The following HEATR4 variants were observed in gnomAD, a reference collection of about 807,000 sequenced individuals.
HEATR4 encodes HEAT repeat-containing protein 4.
Under a neutral mutation model 108.8 loss-of-function variants are expected in HEATR4, and 95 were observed. The observed-to-expected ratio is 0.87, with a 90% CI of 0.74 to 1.04. The LOEUF (loss-of-function observed/expected upper bound fraction) is 1.04. Ranked by LOEUF, HEATR4 falls within the 50% of genes least tolerant of loss-of-function variation. The probability of loss-of-function intolerance (pLI) is 0.00; values close to 1 mark genes in which losing one functional copy is unlikely to be tolerated. For missense variants in HEATR4, 1,152 were observed against 1,253.8 expected (o/e 0.92, Z 1.23); for synonymous variants, 443 against 459.4 (o/e 0.96, Z 0.46).
At chr14:73,480,356 G>A (rs188796592) in intron 17 of HEATR4, among the ~76,000 whole-genome samples, 1 of 152,034 alleles carries the variant, frequency 6.6e-6, no homozygotes, top group African/African-American at 2.4e-5. Flanking sequence ...CAGAAGAATC[G>A]CTTGAACCAG....
At chr14:73,520,528 C>G in intron 4 of HEATR4, 1 of 213,882 alleles carries the variant, frequency 4.7e-6, no homozygotes, top group Non-Finnish European at 9.2e-6. Context: ...GAGAATATCT[C>G]GAAGTGAGAG....
At chr14:73,616,987 C>A in the HEATR4 span, 1 of 674,816 alleles carries the variant, frequency 1.5e-6, no homozygotes, top group Non-Finnish European at 2.6e-6. Flanking sequence ...TGATGTTCTC[C>A]AGGCAGGGGG....
At chr14:73,576,380 C>T in the HEATR4 span, among the ~76,000 whole-genome samples, 2 of 151,942 alleles carry the variant, frequency 1.3e-5, no homozygotes, top group African/African-American at 4.8e-5. Context: ...AATAAGGATT[C>T]TCCTAGTGCA....
chr14:73,513,900 C>T, intron 6 of HEATR4, 131 bp downstream of exon 6: 1 of 870,272 alleles, frequency 1.1e-6, no homozygotes, highest in Non-Finnish European at 1.8e-6. Flanking sequence ...TCTTGTCTAG[C>T]CTTAATGAGG....
intron 11 of HEATR4, 21 bp from the exon 12 acceptor site, chr14:73,500,751 T>G (rs769849583): frequency 6.2e-7 from 1 of 1,605,548 alleles, no homozygotes; most frequent in Non-Finnish European, 8.5e-7. Context: ...CAAGTTGCTT[T>G]CCTTTCACCT....
At chr14:73,487,305 G>A (rs945059440) in intron 17 of HEATR4, among the ~76,000 whole-genome samples, 1 of 151,934 alleles carries the variant, frequency 6.6e-6, no homozygotes, top group East Asian at 2.0e-4. Context: ...AGTGGCTCGC[G>A]CCTGTAATCC....
chr14:73,523,556 A>G (rs79850045), intron 2 of HEATR4, among the ~76,000 whole-genome samples: 3,682 of 152,316 alleles, frequency 0.024, 83 homozygotes, highest in Middle Eastern at 0.068. Context: ...AGTTCAGACT[A>G]TTCAGCATGG....
At chr14:73,604,690 G>C in the HEATR4 span, among the ~76,000 whole-genome samples, 2 of 152,028 alleles carry the variant, frequency 1.3e-5, no homozygotes, top group African/African-American at 4.8e-5. Context: ...GTTTCAACAT[G>C]TTGGTCAGGT....
intron 17 of HEATR4, among the ~76,000 whole-genome samples, chr14:73,488,302 G>T (rs181152052): frequency 6.6e-6 from 1 of 152,162 alleles, no homozygotes. Context: ...ACGGAGTCTC[G>T]CTGTGTCGCC....
chr14:73,579,253 T>C, the HEATR4 span, among the ~76,000 whole-genome samples: 2 of 80,814 alleles, frequency 2.5e-5, no homozygotes, highest in Admixed American at 1.9e-4. Context: ...CGAAATTCCG[T>C]CTCAAAAAAA....
the HEATR4 span, among the ~76,000 whole-genome samples, chr14:73,628,794 G>A: frequency 6.6e-6 from 1 of 152,006 alleles, no homozygotes; most frequent in South Asian, 2.1e-4. Flanking sequence ...GCTCATGCCG[G>A]TAATCCTAGC....
Position 73,530,794 on chromosome 14 carries a change from ATTTTTTTTTT to A in HEATR4, c.-151-560_-151-551del, listed in dbSNP as rs59208614. 1.6e-3 allele frequency among the ~76,000 whole-genome samples: 90 copies of A among 57,664 alleles called. 1 individual carries two copies. The highest frequency in any genetic ancestry group is 5.1e-3 in the African/African-American group (76 of 14,784). The allele number at this position is 57,664 out of a possible 152,430, so 37.8% of individuals were successfully genotyped here. A position where few individuals can be genotyped will look rare whatever the true frequency, so the allele number is the denominator to read the frequency against. On this transcript the variant is annotated intron_variant, in intron 1 of 17. Transcript: ENST00000553558. Reference sequence around the variant, plus strand: ...CACATAGCACACCACTCTCGGTTAAATTTTTTTTTTTTTTTTTTTTTTTTTGTAGAGATAG... The same window carrying A: ...CACATAGCACACCACTCTCGGTTAAATTTTTTTTTTTTTTTGTAGAGATAG...
At chr14:73,569,970 G>GT in the HEATR4 span, 1 of 1,458,740 alleles carries the variant, frequency 6.9e-7, no homozygotes, top group South Asian at 1.4e-5. Context: ...TTATGTGTAT[G>GT]CCCCCCCGCC....
At position 73,479,508 on chromosome 14, in the gene HEATR4, G is replaced by A. The variant is rs187999539; in HGVS notation, c.2845-666C>T. Among the ~76,000 whole-genome samples the A allele has an allele frequency of 2.4e-3, 346 of 146,130 alleles. 1 individual carries two copies. The highest frequency in any genetic ancestry group is 8.5e-3 in the African/African-American group (329 of 38,742). ...GGCTGGGGTGCAATGGTGCGATCTCGGCTCACCGCAACCTCTGCCCCCAGA... is the reference window on the plus strand; with the variant it reads ...GGCTGGGGTGCAATGGTGCGATCTCAGCTCACCGCAACCTCTGCCCCCAGA... On this transcript the variant is annotated intron_variant, in intron 17 of 17. Transcript: ENST00000553558.
At chr14:73,628,518 C>G in the HEATR4 span, among the ~76,000 whole-genome samples, 418 of 152,196 alleles carry the variant, frequency 2.7e-3, 2 homozygotes, top group African/African-American at 9.7e-3. Flanking sequence ...CTTTGGGAGG[C>G]CGAGGCGGGC....
At position 73,522,730 on chromosome 14, in the gene HEATR4, A is replaced by G; in HGVS notation, c.423T>C (p.Ser141=). The change falls in exon 3 of 18, where the codon TCT becomes TCC. Residue 141 remains serine (S), a synonymous_variant. Coordinates refer to ENST00000553558, the MANE Select transcript of HEATR4 (RefSeq NM_001220484.1). ...DTSLAVKTES[S]ANPEKKLKKS... is the part of the protein sequence containing the mutation. The stretch of plus-strand genomic sequence containing the variant: ...TCTTCAGCTTCTTTTCGGGATTGGC[A>G]GAGCTTTCTGTCTTCACAGCCAGGG... 6.2e-7 allele frequency: 1 copy of G among 1,614,208 alleles called. No individual in the cohort carries two copies. Among genetic ancestry groups the G allele is most frequent in the South Asian group, 1.1e-5 (1 of 91,084 alleles).
chr14:73,500,426 C>A, intron 12 of HEATR4, 124 bp downstream of exon 12: 1 of 1,072,514 alleles, frequency 9.3e-7, no homozygotes, highest in Non-Finnish European at 1.3e-6. Context: ...TATACACCCC[C>A]TTCCCAGTTC....
the HEATR4 span, among the ~76,000 whole-genome samples, chr14:73,579,791 T>A: frequency 5.3e-5 from 8 of 151,782 alleles, no homozygotes; most frequent in African/African-American, 1.7e-4. Flanking sequence ...TTTAAAAGCA[T>A]ATTTAAAGTG....
intron 16 of HEATR4, among the ~76,000 whole-genome samples, chr14:73,494,249 A>AG (rs1166891285): frequency 3.3e-5 from 5 of 152,220 alleles, no homozygotes; most frequent in Admixed American, 3.3e-4. Flanking sequence ...TGGAACCAGA[A>AG]GACCTGGGTT....
Sources: allele counts gnomAD v4.1 joint callset (sites outside exome capture counted in the v4.1 genomes callset), GRCh38; gene constraint gnomAD v4.1.1; transcripts MANE v1.5; gene names NCBI Gene and HGNC (gene_info 2026-07-23, HGNC 2026-07-21).